Variants in MGST1 observed in about 807,000 individuals in gnomAD.
MGST1 encodes the protein glutathione S-transferase 12.
MGST1 carries 5 observed loss-of-function variants against 8.9 expected under a neutral mutation model. The ratio of observed to expected loss-of-function variants is 0.56; its 90% confidence interval spans 0.29 to 1.19. The LOEUF is 1.19. MGST1 is among the 50% of genes most tolerant of loss of function. The pLI is 0.08. For synonymous variants in MGST1, 54 were observed against 67.8 expected, an observed-to-expected ratio of 0.80 and a Z score of 1.00; for missense variants, 182 against 187.4, an observed-to-expected ratio of 0.97 and a Z score of 0.17.
intron 4 of MGST1, among the ~76,000 whole-genome samples, chr12:16,504,618 G>A (rs1021392565): frequency 5.3e-5 from 8 of 152,126 alleles, no homozygotes; most frequent in East Asian, 1.9e-4. Context: ...TAGAATGTGG[G>A]GCGTGGAGTG....
chr12:16,490,048 G>A (rs1267601128), intron 4 of MGST1, among the ~76,000 whole-genome samples: 2 of 151,996 alleles, frequency 1.3e-5, no homozygotes, highest in African/African-American at 4.8e-5. Context: ...AATCTCTTGA[G>A]CTTAAGAGTT....
chr12:16,479,668 G>A (rs1325863854), intron 4 of MGST1, among the ~76,000 whole-genome samples: 1 of 151,680 alleles, frequency 6.6e-6, no homozygotes. Context: ...TGAGGGGCTG[G>A]GACTACAGGT....
intron 4 of MGST1, among the ~76,000 whole-genome samples, chr12:16,466,419 A>T (rs1375662977): frequency 6.6e-6 from 1 of 152,220 alleles, no homozygotes; most frequent in Non-Finnish European, 1.5e-5. Context: ...GAAGCTTGAT[A>T]GGACACTTTA....
At chr12:16,484,940 C>T (rs1228513622) in intron 4 of MGST1, among the ~76,000 whole-genome samples, 1 of 152,096 alleles carries the variant, frequency 6.6e-6, no homozygotes, top group Non-Finnish European at 1.5e-5. Flanking sequence ...ATCACTATGC[C>T]CACTATATTC....
intron 1 of MGST1, among the ~76,000 whole-genome samples, chr12:16,434,550 A>G (rs1940967111): frequency 6.6e-6 from 1 of 151,968 alleles, no homozygotes; most frequent in Non-Finnish European, 1.5e-5. Flanking sequence ...AAATTATACT[A>G]TGACTTGGTA....
rs563148028 is a variant in MGST1, at chr12:16,499,654, TC to T, written n.483-89873del. ...TGAAACCCAGAAGAGTTTTTTTTTT[TC>T]TCTCTACACCATTTGATTCGCTGTC... On this transcript the variant is annotated intron_variant and non_coding_transcript_variant, in intron 4 of 4. Transcript: ENST00000538857. Among the ~76,000 whole-genome samples the T allele has an allele frequency of 1.1e-4, 17 of 150,950 alleles. No individual in the cohort carries two copies. In the East Asian group the frequency reaches 3.3e-3, roughly 29 times the overall value.
intron 1 of MGST1, among the ~76,000 whole-genome samples, chr12:16,352,861 T>C (rs2136927891): frequency 6.6e-6 from 1 of 152,300 alleles, no homozygotes; most frequent in African/African-American, 2.4e-5. Flanking sequence ...GATGTTTCCA[T>C]TATCCTGCTT....
At chr12:16,377,969 C>T (rs550376592), downstream of MGST1, among the ~76,000 whole-genome samples, 1,325 of 151,614 alleles carry the variant, frequency 8.7e-3, 21 homozygotes, top group African/African-American at 0.031. Context: ...TGTTCATATC[C>T]TTTGCCCACT....
At chr12:16,567,842 A>C (rs889232207) in intron 4 of MGST1, among the ~76,000 whole-genome samples, 5 of 152,108 alleles carry the variant, frequency 3.3e-5, no homozygotes, top group Non-Finnish European at 5.9e-5. Context: ...ACAGAACACC[A>C]CCAGGCAGCA....
chr12:16,507,241 T>C (rs1941543697), intron 4 of MGST1, among the ~76,000 whole-genome samples: 2 of 152,008 alleles, frequency 1.3e-5, no homozygotes, highest in Admixed American at 6.6e-5. Context: ...GGCCAATGTG[T>C]TTGGTAGAGA....
At chr12:16,564,461 G>T (rs565427603) in intron 4 of MGST1, among the ~76,000 whole-genome samples, 1 of 152,294 alleles carries the variant, frequency 6.6e-6, no homozygotes, top group African/African-American at 2.4e-5. Context: ...TGCGGACTGG[G>T]GGTAGGGAAA....
intron 4 of MGST1, among the ~76,000 whole-genome samples, chr12:16,526,303 A>G (rs1447553924): frequency 1.3e-5 from 2 of 152,116 alleles, no homozygotes; most frequent in South Asian, 2.1e-4. Flanking sequence ...GTTAAGTCCC[A>G]GGGAGCTAAG....
rs1011792834 is a variant in MGST1 at position 16,364,158 on chromosome 12, G to A, written c.*117G>A. On this transcript the variant is annotated 3_prime_UTR_variant, in exon 4 of 4. Coordinates refer to ENST00000396210, the MANE Select transcript of MGST1 (RefSeq NM_020300.5). The surrounding 1 kb of genome is among the most constrained non-coding windows in gnomAD (Gnocchi z 5.7). ...GGGAGCAGAGGAATTATGAACTGGG[G>A]TAAACCCATTTTGAATATTAGCATT... 1.1e-5 allele frequency: 15 copies of A among 1,399,324 alleles called. No individual in the cohort carries two copies. The highest frequency in any genetic ancestry group is 1.4e-5 in the Non-Finnish European group (15 of 1,073,392). 86.7% of individuals were successfully genotyped at this position (1,399,324 alleles called of 1,614,324 possible).
chr12:16,439,994 T>C (rs924446847), downstream of MGST1, among the ~76,000 whole-genome samples: 3 of 151,802 alleles, frequency 2.0e-5, no homozygotes, highest in African/African-American at 4.8e-5. Flanking sequence ...GTTCTCATCC[T>C]GGATATTTCC....
In MGST1 at chr12:16,401,004, A is replaced by G. The variant is rs943581823; in HGVS notation, n.778+17400A>G. On this transcript the variant is annotated intron_variant and non_coding_transcript_variant, in intron 1 of 1. Transcript: ENST00000359720. This position sits in a 1 kb window ranked among gnomAD's most constrained non-coding sequence, Gnocchi z 4.3. ...ACTAGTTCTTTTTGATGTGCTCTTC[A>G]CTTCTCTTCTGCAGTCATTTCATTC... 6 of 1,534,192 alleles carry G rather than the reference A, an allele frequency of 3.9e-6. No individual in the cohort carries two copies. Among genetic ancestry groups the G allele is most frequent in the South Asian group, 1.1e-5 (1 of 89,466 alleles).
intron 1 of MGST1, among the ~76,000 whole-genome samples, chr12:16,393,057 A>G (rs1940568300): frequency 1.3e-5 from 2 of 152,162 alleles, no homozygotes; most frequent in South Asian, 2.1e-4. Context: ...GAAGTTTTAT[A>G]AGGGGGAAGT....
At chr12:16,514,642 T>A (rs1941599884) in intron 4 of MGST1, among the ~76,000 whole-genome samples, 1 of 152,176 alleles carries the variant, frequency 6.6e-6, no homozygotes, top group African/African-American at 2.4e-5. Context: ...GGCTACCTTG[T>A]CCATACCATT....
chr12:16,519,247 G>A (rs75188043), intron 4 of MGST1, among the ~76,000 whole-genome samples: 1,722 of 152,234 alleles, frequency 0.011, 49 homozygotes, highest in African/African-American at 0.04. Flanking sequence ...CTGGCATATC[G>A]TAGACAGTTA....
intron 2 of MGST1, among the ~76,000 whole-genome samples, chr12:16,355,420 G>A (rs1250156983): frequency 6.6e-6 from 1 of 152,064 alleles, no homozygotes; most frequent in Non-Finnish European, 1.5e-5. Flanking sequence ...TGTTGGCCAG[G>A]CTGGTCTCAA....
Sources: gnomAD v4.1 joint callset for allele counts (sites outside exome capture counted in the v4.1 genomes callset) on GRCh38, gnomAD v4.1.1 for gene constraint, Gnocchi (gnomAD v3.1) non-coding constraint, MANE v1.5 for transcripts, NCBI Gene and HGNC (gene_info 2026-07-23, HGNC 2026-07-21) for gene names.